VNN1: variants seen among roughly 807,000 people sequenced by gnomAD.
The protein encoded by VNN1 is pantetheinase.
A neutral mutation model predicts 41.9 loss-of-function variants in VNN1; 29 were observed. The ratio of observed to expected loss-of-function variants is 0.69; its 90% CI spans 0.52 to 0.94. The LOEUF (loss-of-function observed/expected upper bound fraction) is 0.94, where lower values mean the gene tolerates loss of function less well. Among genes scored for constraint, VNN1 ranks in the 40% least tolerant of loss-of-function variants. The pLI, the probability that VNN1 is intolerant of heterozygous loss-of-function variation, is 0.00. For missense variants in VNN1, 637 were observed against 621.1 expected (o/e 1.03, Z -0.27); for synonymous variants, 233 against 224.4 (o/e 1.04, Z -0.34).
chr6:132,688,889 T>C (rs1316178812), intron 5 of VNN1, among the ~76,000 whole-genome samples: 1 of 152,236 alleles, frequency 6.6e-6, no homozygotes, highest in East Asian at 1.9e-4. Flanking sequence ...TGATTCCTTG[T>C]ATATTTTATT....
In VNN1 at chr6:132,707,639, A is replaced by G. The variant is rs918461842; in HGVS notation, c.341+4070T>C. Among the ~76,000 whole-genome samples, 8 of 152,228 alleles carry G rather than the reference A, an allele frequency of 5.3e-5. 1 individual carries two copies. The highest frequency in any genetic ancestry group is 1.7e-4 in the African/African-American group (7 of 41,472). On this transcript the variant is annotated intron_variant, in intron 2 of 6. Transcript: ENST00000367928. ...GAATGGAACTGGAGATCATTAGGTT[A>G]TGTGAAATAACGTAAGTTAGGCACA...
At chr6:132,695,827 C>G (rs1237911209) in intron 2 of VNN1, among the ~76,000 whole-genome samples, 1 of 152,114 alleles carries the variant, frequency 6.6e-6, no homozygotes, top group Non-Finnish European at 1.5e-5. Flanking sequence ...TCAACACAAA[C>G]ATCCTACAAC....
chr6:132,708,479 T>C (rs1179259338), intron 2 of VNN1, among the ~76,000 whole-genome samples: 4 of 152,166 alleles, frequency 2.6e-5, no homozygotes, highest in African/African-American at 9.7e-5. Flanking sequence ...CCTTTAACGC[T>C]CAGTCTAAGA....
At position 132,689,345 on chromosome 6, in the gene VNN1, TCTC is replaced by T. The variant is rs558154186; in HGVS notation, c.1188+2875_1188+2877del. On this transcript the variant is annotated intron_variant, in intron 5 of 6. Coordinates refer to ENST00000367928, the MANE Select transcript of VNN1 (RefSeq NM_004666.3). ...GTCTCTGTTAAACCATTGTCTTGCTTCTCTTCTTCTTGTCTCAGATAAGATTTC... is the reference window on the plus strand; with the variant it reads ...GTCTCTGTTAAACCATTGTCTTGCTTTTCTTCTTGTCTCAGATAAGATTTC... 1.4e-4 allele frequency among the ~76,000 whole-genome samples: 22 copies of T among 152,236 alleles called. 1 individual carries two copies. The South Asian group carries it at 4.6e-3, about 32-fold the overall frequency.
intron 2 of VNN1, among the ~76,000 whole-genome samples, chr6:132,701,668 A>G (rs1293053954): frequency 6.6e-6 from 1 of 152,262 alleles, no homozygotes; most frequent in Non-Finnish European, 1.5e-5. Context: ...ATCCACAACA[A>G]GAATGAACCT....
Position 132,692,383 on chromosome 6 carries a change from G to C in VNN1, c.1028C>G (p.Thr343Ser). 1 of 1,614,188 alleles carries C rather than the reference G, an allele frequency of 6.2e-7. No homozygotes were observed. Among genetic ancestry groups the C allele is most frequent in the East Asian group, 2.2e-5 (1 of 44,874 alleles). The part of the protein sequence containing the change: ...FKGTVFFDEF[T>S]FVKLTGVAGN... ...TGCAACTCCTGTGAGCTTCACAAAAGTGAATTCATCGAAAAAGACAGTGCC... is the reference window on the plus strand; with the variant it reads ...TGCAACTCCTGTGAGCTTCACAAAACTGAATTCATCGAAAAAGACAGTGCC... The change falls in exon 5 of 7, where the codon ACT becomes AGT. Residue 343 changes from threonine (T) to serine (S), a missense_variant. By Grantham distance (58) the Thr-to-Ser change is moderately conservative (BLOSUM62 1). Coordinates refer to ENST00000367928, the MANE Select transcript of VNN1 (RefSeq NM_004666.3).
Position 132,699,963 on chromosome 6 carries a change from T to C in VNN1, c.342-5781A>G, listed in dbSNP as rs45461794. ...TTCTTAATAGCATGAATTTTGAAAG[T>C]AGCACTAAAATTGTGTTTTTATTAC... On this transcript the variant is annotated intron_variant, in intron 2 of 6. Transcript: ENST00000367928. Among the ~76,000 whole-genome samples, 33 of 152,342 alleles carry C rather than the reference T, an allele frequency of 2.2e-4. No homozygotes were observed. The East Asian group carries it at 4.0e-3, about 19-fold the overall frequency.
Position 132,687,042 on chromosome 6 carries a change from G to A in VNN1, c.1189-2537C>T, listed in dbSNP as rs143934048. 1.4e-3 allele frequency among the ~76,000 whole-genome samples: 209 copies of A among 152,162 alleles called. 4 individuals are homozygous for A. Among genetic ancestry groups the A allele is most frequent in the African/African-American group, 4.7e-3 (197 of 41,526 alleles). On this transcript the variant is annotated intron_variant, in intron 5 of 6. Coordinates refer to ENST00000367928, the MANE Select transcript of VNN1 (RefSeq NM_004666.3). Reference sequence around the variant, plus strand: ...TAGCAGAGAAAATGTCGGAAAATTAGAGCCCTAATCCAAGAGGCAGAAGAT... The same window carrying A: ...TAGCAGAGAAAATGTCGGAAAATTAAAGCCCTAATCCAAGAGGCAGAAGAT...
At chr6:132,684,756 C>G (rs375278631) in intron 5 of VNN1, among the ~76,000 whole-genome samples, 6 of 152,032 alleles carry the variant, frequency 3.9e-5, no homozygotes, top group African/African-American at 1.4e-4. Context: ...CTGAAATACT[C>G]TCTTGATCTA....
intron 5 of VNN1, 99 bp from the exon 6 acceptor site, chr6:132,684,604 C>A (rs1366869137): frequency 1.7e-6 from 2 of 1,157,454 alleles, no homozygotes; most frequent in Non-Finnish European, 2.5e-6. Context: ...CATATCAAAA[C>A]GTCACATCAT....
At chr6:132,711,400 C>T (rs965683052) in intron 2 of VNN1, among the ~76,000 whole-genome samples, 7 of 152,098 alleles carry the variant, frequency 4.6e-5, no homozygotes, top group African/African-American at 1.7e-4. Context: ...TCTCTTTTGC[C>T]ATTTACTCAT....
At position 132,693,284 on chromosome 6, in the gene VNN1, T is replaced by C. The variant is rs746346357; in HGVS notation, c.566A>G (p.Asn189Ser). Residue 189 changes from asparagine to serine, a missense_variant, in exon 4 of 7, where the codon AAT (asparagine) becomes AGT (serine). Asn to Ser is a conservative substitution (Grantham distance 46). Coordinates refer to ENST00000367928, the MANE Select transcript of VNN1 (RefSeq NM_004666.3). Reference protein sequence around the residue: ...QNLFMGENQFNVPKEPEIVTF... With the variant: ...QNLFMGENQFSVPKEPEIVTF... The stretch of plus-strand genomic sequence containing the variant: ...CACAATCTCAGGCTCCTTGGGTACA[T>C]TGAATTGATTTTCACCCATGAAAAG... The C allele has an allele frequency of 2.0e-5, 32 of 1,609,618 alleles. No homozygotes were observed. Among genetic ancestry groups the C allele is most frequent in the South Asian group, 1.1e-4 (10 of 90,174 alleles).
intron 1 of VNN1, among the ~76,000 whole-genome samples, chr6:132,713,343 T>C (rs533489541): frequency 1.3e-5 from 2 of 152,344 alleles, no homozygotes; most frequent in African/African-American, 4.8e-5. Context: ...CATATACTTT[T>C]ATCTTGTAAT....
At chr6:132,689,997 T>A (rs966409742) in intron 5 of VNN1, among the ~76,000 whole-genome samples, 3 of 152,232 alleles carry the variant, frequency 2.0e-5, no homozygotes, top group Non-Finnish European at 4.4e-5. Context: ...GGACTCTCCA[T>A]TCCGTTTTCC....
At chr6:132,692,917 C>A in intron 4 of VNN1, 107 bp downstream of exon 4, 1 of 1,265,694 alleles carries the variant, frequency 7.9e-7, no homozygotes, top group Non-Finnish European at 1.0e-6. Flanking sequence ...AAATTAAGAG[C>A]TGGAAAACAT....
chr6:132,706,038 C>T lies in VNN1; in HGVS notation c.341+5671G>A, dbSNP rs113093636. Among the ~76,000 whole-genome samples, 1,134 of 152,184 alleles carry T rather than the reference C, an allele frequency of 7.5e-3. 16 individuals carry two copies. The highest frequency in any genetic ancestry group is 0.026 in the African/African-American group (1,078 of 41,506). On this transcript the variant is annotated intron_variant, in intron 2 of 6. Coordinates refer to ENST00000367928, the MANE Select transcript of VNN1 (RefSeq NM_004666.3). ...AGGACACAAAACATGGAAAGATATT[C>T]CATGTTCATAGATTGGAAGAATCAA...
At chr6:132,695,844 A>C (rs1162745726) in intron 2 of VNN1, among the ~76,000 whole-genome samples, 1 of 152,120 alleles carries the variant, frequency 6.6e-6, no homozygotes, top group Admixed American at 6.5e-5. Flanking sequence ...CAACAACAAA[A>C]CAAACAAACA....
chr6:132,688,855 C>T (rs1031223726), intron 5 of VNN1, among the ~76,000 whole-genome samples: 1 of 152,032 alleles, frequency 6.6e-6, no homozygotes, highest in Non-Finnish European at 1.5e-5. Flanking sequence ...TCCTCCAGCA[C>T]CTTGGAACAC....
chr6:132,704,615 C>T (rs528215208), intron 2 of VNN1, among the ~76,000 whole-genome samples: 13 of 151,528 alleles, frequency 8.6e-5, no homozygotes, highest in Non-Finnish European at 1.5e-4. Context: ...AAGAAGAAAA[C>T]CTTCAAGTAA....
Sources: gnomAD v4.1 joint callset for allele counts (sites outside exome capture counted in the v4.1 genomes callset) on GRCh38, gnomAD v4.1.1 for gene constraint, MANE v1.5 for transcripts, NCBI Gene and HGNC (gene_info 2026-07-23, HGNC 2026-07-21) for gene names.